HIVEP2: variants seen among roughly 807,000 people sequenced by gnomAD.
The protein encoded by HIVEP2 is HIVEP zinc finger 2, also known as transcription factor HIVEP2.
Under a neutral mutation model 180.7 loss-of-function variants are expected in HIVEP2, and 14 were observed. The ratio of observed to expected loss-of-function variants is 0.08; its 90% confidence interval spans 0.05 to 0.12. HIVEP2 has a LOEUF of 0.12. Ranked by LOEUF, HIVEP2 falls within the 10% of genes least tolerant of loss-of-function variation. The pLI is 1.00. For synonymous variants in HIVEP2, 1,184 were observed against 1,136.4 expected (o/e 1.04, Z -0.84); for missense variants, 2,579 against 3,008.5 (o/e 0.86, Z 3.34).
At chr6:142,909,343 T>C (rs1362866557) in intron 1 of HIVEP2, among the ~76,000 whole-genome samples, 1 of 152,232 alleles carries the variant, frequency 6.6e-6, no homozygotes, top group Admixed American at 6.5e-5. Context: ...TGTGTTTACA[T>C]AGCAATGGTA....
chr6:142,877,673 A>G (rs1009452829), intron 1 of HIVEP2, among the ~76,000 whole-genome samples: 1 of 152,200 alleles, frequency 6.6e-6, no homozygotes, highest in Admixed American at 6.5e-5. Context: ...CATACTCCTA[A>G]ACTATATCTT....
intron 1 of HIVEP2, among the ~76,000 whole-genome samples, chr6:142,918,307 A>C (rs1346224235): frequency 6.6e-6 from 1 of 152,110 alleles, no homozygotes; most frequent in African/African-American, 2.4e-5. Flanking sequence ...CGGCCTCCCA[A>C]AGTGCTGAGA....
intron 2 of HIVEP2, among the ~76,000 whole-genome samples, chr6:142,821,904 C>G (rs1303537027): frequency 6.6e-6 from 1 of 152,218 alleles, no homozygotes; most frequent in African/African-American, 2.4e-5. Context: ...ACCTCACCAC[C>G]ACCTCCAGGC....
chr6:142,752,818 T>C lies in HIVEP2; in HGVS notation c.*289A>G, dbSNP rs1288392921. 1.0e-5 allele frequency: 3 copies of C among 294,272 alleles called. No homozygotes were observed. The East Asian group carries it at 1.9e-4, about 19-fold the overall frequency. 18.2% of individuals were successfully genotyped at this position (294,272 alleles called of 1,614,324 possible). A position where few individuals can be genotyped will look rare whatever the true frequency, so the allele number is the denominator to read the frequency against. On this transcript the variant is annotated 3_prime_UTR_variant, in exon 10 of 10. Transcript: ENST00000367603. ...CACAAATTCTAAAATATGTACAAATTACTGCTAAAAAATGCTTATAAGAAT... is the reference window on the plus strand; with the variant it reads ...CACAAATTCTAAAATATGTACAAATCACTGCTAAAAAATGCTTATAAGAAT...
chr6:142,772,261 T>A lies in HIVEP2; in HGVS notation c.2478A>T (p.Thr826=). 1.2e-6 allele frequency: 2 copies of A among 1,614,230 alleles called. No individual in the cohort carries two copies. The highest frequency in any genetic ancestry group is 1.7e-6 in the Non-Finnish European group (2 of 1,180,042). ...RSESAELVAC[T]QDKAPSPSET... is the part of the protein sequence containing the mutation. The stretch of plus-strand genomic sequence containing the variant: ...CTGAAGGGGAAGGGGCTTTATCCTG[T>A]GTGCAAGCCACAAGTTCGGCTGACT... Residue 826 remains threonine, a synonymous_variant, in exon 5 of 10, where the codon ACA becomes ACT. Transcript: ENST00000367603. The surrounding 1 kb of genome is among the most constrained non-coding windows in gnomAD (Gnocchi z 4.9).
Position 142,764,230 on chromosome 6 carries a change from A to G in HIVEP2, c.5518+569T>C, listed in dbSNP as rs190341945. Among the ~76,000 whole-genome samples, 296 of 152,328 alleles carry G rather than the reference A, an allele frequency of 1.9e-3. 4 individuals carry two copies. Among genetic ancestry groups the G allele is most frequent in the Non-Finnish European group, 4.9e-4 (33 of 68,030 alleles). ...AAAACAGATTTTAAAAAAAAATTTT[A>G]AGGCAAGTCCTAGTTTTATAAGACT... On this transcript the variant is annotated intron_variant, in intron 7 of 9. Coordinates refer to ENST00000367603, the MANE Select transcript of HIVEP2 (RefSeq NM_006734.4).
intron 2 of HIVEP2, among the ~76,000 whole-genome samples, chr6:142,829,861 G>C (rs1250145275): frequency 6.6e-6 from 1 of 152,186 alleles, no homozygotes; most frequent in Non-Finnish European, 1.5e-5. Context: ...TAATTTATTT[G>C]TGCACAAAAC....
chr6:142,912,728 A>T (rs1239731456), intron 1 of HIVEP2, among the ~76,000 whole-genome samples: 1 of 152,232 alleles, frequency 6.6e-6, no homozygotes, highest in African/African-American at 2.4e-5. Flanking sequence ...TCCTTATGAC[A>T]ATCTAATGTC....
intron 1 of HIVEP2, among the ~76,000 whole-genome samples, chr6:142,893,969 G>A (rs540136835): frequency 1.2e-4 from 19 of 152,216 alleles, no homozygotes; most frequent in Admixed American, 7.2e-4. Flanking sequence ...ACACAAATGC[G>A]TAAAAGCTTA....
chr6:142,785,451 C>T (rs190960618), intron 2 of HIVEP2, among the ~76,000 whole-genome samples: 184 of 150,896 alleles, frequency 1.2e-3, no homozygotes, highest in East Asian at 3.6e-3. Context: ...GGAACCTTAA[C>T]TTGCAGTAGT....
Position 142,773,664 on chromosome 6 carries a change from C to T in HIVEP2, c.1075G>A (p.Ala359Thr). 6.2e-7 allele frequency: 1 copy of T among 1,614,120 alleles called. No individual in the cohort carries two copies. Among genetic ancestry groups the T allele is most frequent in the South Asian group, 1.1e-5 (1 of 91,080 alleles). The change falls in exon 5 of 10, where the codon GCT becomes ACT. Residue 359 changes from alanine to threonine, a missense_variant. Physicochemically the swap from Ala to Thr is moderately conservative, Grantham distance 58. Coordinates refer to ENST00000367603, the MANE Select transcript of HIVEP2 (RefSeq NM_006734.4). ...TGTTTGACTGTGTGCGAATCATCAG[C>T]CTTAGTATTTAAAGATGGATTTGGT... Reference protein sequence around the residue: ...MLPNPSLNTKADDSHTVKQKL... With the variant: ...MLPNPSLNTKTDDSHTVKQKL...
chr6:142,875,154 T>C (rs1452437680), intron 1 of HIVEP2, among the ~76,000 whole-genome samples: 2 of 152,230 alleles, frequency 1.3e-5, no homozygotes, highest in Admixed American at 6.5e-5. Flanking sequence ...ACAGGTGGCC[T>C]GTCCAAAGAA....
intron 9 of HIVEP2, 37 bp from the exon 10 acceptor site, chr6:142,753,968 C>G (rs1437558123): frequency 3.6e-6 from 4 of 1,109,558 alleles, no homozygotes; most frequent in South Asian, 2.9e-5. Context: ...AAATTCAGAG[C>G]CTGCTACGCT....
chr6:142,840,311 AT>A (rs1304891434), intron 1 of HIVEP2, among the ~76,000 whole-genome samples: 1 of 150,802 alleles, frequency 6.6e-6, no homozygotes, highest in Non-Finnish European at 1.5e-5. Context: ...TTTTTTTAAT[AT>A]TTTTTTATTT....
At chr6:142,839,003 A>G (rs774825928) in intron 1 of HIVEP2, among the ~76,000 whole-genome samples, 3 of 152,086 alleles carry the variant, frequency 2.0e-5, no homozygotes, top group Admixed American at 6.6e-5. Flanking sequence ...GTGTTCCCAT[A>G]GAGTACCTAA....
Position 142,752,688 on chromosome 6 carries a change from T to G in HIVEP2, c.*419A>C, listed in dbSNP as rs898918423. 6 of 163,670 alleles carry G rather than the reference T, an allele frequency of 3.7e-5. No individual in the cohort carries two copies. The highest frequency in any genetic ancestry group is 1.4e-4 in the African/African-American group (6 of 41,540). The allele number at this position is 163,670 out of a possible 1,614,324, so 10.1% of individuals were successfully genotyped here. A position where few individuals can be genotyped will look rare whatever the true frequency, so the allele number is the denominator to read the frequency against. ...GTTCAGTTTTAATCATATAAAAATATGTTTTAGTGCAACCTCACATATATA... is the reference window on the plus strand; with the variant it reads ...GTTCAGTTTTAATCATATAAAAATAGGTTTTAGTGCAACCTCACATATATA... On this transcript the variant is annotated 3_prime_UTR_variant, in exon 10 of 10. Transcript: ENST00000367603.
chr6:142,859,654 C>T (rs1257554926), intron 1 of HIVEP2, among the ~76,000 whole-genome samples: 39 of 151,280 alleles, frequency 2.6e-4, no homozygotes, highest in East Asian at 3.9e-4. Flanking sequence ...GCTAACATGG[C>T]GAAACACTGT....
At chr6:142,834,581 A>G (rs1405855468) in intron 2 of HIVEP2, among the ~76,000 whole-genome samples, 2 of 152,190 alleles carry the variant, frequency 1.3e-5, no homozygotes, top group African/African-American at 4.8e-5. Flanking sequence ...TCACTTTAAA[A>G]TGAATAATGT....
intron 2 of HIVEP2, among the ~76,000 whole-genome samples, chr6:142,794,930 G>T (rs1776246639): frequency 6.6e-6 from 1 of 152,082 alleles, no homozygotes; most frequent in Non-Finnish European, 1.5e-5. Flanking sequence ...TTTAAACAAT[G>T]AATTAAAGAG....
Sources: gnomAD v4.1 joint callset for allele counts (sites outside exome capture counted in the v4.1 genomes callset) on GRCh38, gnomAD v4.1.1 for gene constraint, Gnocchi (gnomAD v3.1) non-coding constraint, MANE v1.5 for transcripts, NCBI Gene and HGNC (gene_info 2026-07-23, HGNC 2026-07-21) for gene names.